SUGCT: variants seen among roughly 807,000 people sequenced by gnomAD.
SUGCT encodes the protein succinyl-CoA:glutarate CoA-transferase.
In SUGCT, 41 loss-of-function variants were observed where a neutral mutation model predicts 55.0. The ratio of observed to expected loss-of-function variants is 0.74; its 90% confidence interval spans 0.58 to 0.97. The LOEUF (loss-of-function observed/expected upper bound fraction) is 0.97, where lower values mean the gene tolerates loss of function less well. SUGCT is among the 50% of genes least tolerant of loss of function. SUGCT has a pLI of 0.00. For missense variants in SUGCT, 568 were observed against 547.8 expected (o/e 1.04, Z -0.37); for synonymous variants, 187 against 200.4 (o/e 0.93, Z 0.56).
intron 9 of SUGCT, among the ~76,000 whole-genome samples, chr7:40,435,684 A>G (rs1028628994): frequency 4.0e-5 from 6 of 151,894 alleles, no homozygotes; most frequent in African/African-American, 1.5e-4. Flanking sequence ...GCTTTTGCCT[A>G]TATTCTCTGA....
chr7:40,241,919 CAAA>C (rs34968969), intron 7 of SUGCT, among the ~76,000 whole-genome samples: 1 of 130,876 alleles, frequency 7.6e-6, no homozygotes, highest in Non-Finnish European at 1.6e-5. Flanking sequence ...ACTCTGTCTC[CAAA>C]AAAAAAAAAA....
chr7:40,509,381 GA>G (rs558838589), intron 12 of SUGCT, among the ~76,000 whole-genome samples: 62 of 152,164 alleles, frequency 4.1e-4, no homozygotes, highest in Admixed American at 3.0e-3. Context: ...ATCACAAAGG[GA>G]AAAAGACCAA....
intron 8 of SUGCT, among the ~76,000 whole-genome samples, chr7:40,301,452 C>T (rs143484191): frequency 4.1e-4 from 62 of 152,260 alleles, no homozygotes; most frequent in Admixed American, 5.2e-4. Flanking sequence ...TTGCTTGAAG[C>T]GTAAACACGT....
intron 11 of SUGCT, among the ~76,000 whole-genome samples, chr7:40,463,625 C>A (rs1789937633): frequency 6.6e-6 from 1 of 152,176 alleles, no homozygotes; most frequent in African/African-American, 2.4e-5. Context: ...GGGCGATCAG[C>A]CTCACTCAGG....
chr7:40,351,696 C>T (rs1288286465), intron 9 of SUGCT, among the ~76,000 whole-genome samples: 2 of 152,164 alleles, frequency 1.3e-5, no homozygotes, highest in Non-Finnish European at 2.9e-5. Flanking sequence ...GCTGACATCA[C>T]ATTTAGAGTT....
intron 13 of SUGCT, among the ~76,000 whole-genome samples, chr7:40,855,316 A>G (rs1311923647): frequency 6.6e-6 from 1 of 150,692 alleles, no homozygotes; most frequent in African/African-American, 2.4e-5. Context: ...ATCCTCTTCT[A>G]CTCTTTTTGC....
chr7:40,562,026 G>C (rs992072925), intron 12 of SUGCT, among the ~76,000 whole-genome samples: 1 of 150,554 alleles, frequency 6.6e-6, no homozygotes, highest in Non-Finnish European at 1.5e-5. Flanking sequence ...CAGGCCAGGC[G>C]CAGTGGCTCA....
intron 12 of SUGCT, among the ~76,000 whole-genome samples, chr7:40,715,394 C>G (rs1267052838): frequency 6.6e-6 from 1 of 152,096 alleles, no homozygotes; most frequent in Non-Finnish European, 1.5e-5. Context: ...GCATCCAATC[C>G]CATCTCCCTC....
At chr7:40,415,491 A>G (rs1370980621) in intron 9 of SUGCT, among the ~76,000 whole-genome samples, 1 of 149,960 alleles carries the variant, frequency 6.7e-6, no homozygotes, top group Non-Finnish European at 1.5e-5. Context: ...TCCTCTATTC[A>G]TCTTTGACTC....
At chr7:40,285,786 G>C (rs1006080861) in intron 8 of SUGCT, among the ~76,000 whole-genome samples, 1 of 152,036 alleles carries the variant, frequency 6.6e-6, no homozygotes, top group Non-Finnish European at 1.5e-5. Context: ...TTGGTTTGTC[G>C]GCTAGAGTCA....
rs1790472558 is a variant in SUGCT, at chr7:40,472,908, G to A, written c.986+13710G>A. Among the ~76,000 whole-genome samples, 4 of 152,104 alleles carry A rather than the reference G, an allele frequency of 2.6e-5. 1 individual carries two copies. The South Asian group carries it at 8.3e-4, about 32-fold the overall frequency. On this transcript the variant is annotated intron_variant, in intron 11 of 13. Transcript: ENST00000335693. ...GTATTTTCTAGCTTTATGTTACTCA[G>A]GAGAAATGGCTAAATTCTTATAATA...
chr7:40,374,694 C>A lies in SUGCT; in HGVS notation c.816+57839C>A, dbSNP rs990855251. 2.6e-5 allele frequency among the ~76,000 whole-genome samples: 4 copies of A among 152,154 alleles called. No homozygotes were observed. In the South Asian group the frequency reaches 8.3e-4, roughly 32 times the overall value. ...GGTCTAAAAAGGTTTTTCTTGATTT[C>A]TCAGTGTCTACCACTCTGCTTTTCT... On this transcript the variant is annotated intron_variant, in intron 9 of 13. Transcript: ENST00000335693.
intron 12 of SUGCT, among the ~76,000 whole-genome samples, chr7:40,739,704 T>C (rs1438387732): frequency 1.3e-5 from 2 of 152,192 alleles, no homozygotes; most frequent in African/African-American, 4.8e-5. Context: ...TGTCAAAAAT[T>C]ATTTGGACAT....
chr7:40,435,515 T>C (rs1788123102), intron 9 of SUGCT, among the ~76,000 whole-genome samples: 1 of 152,188 alleles, frequency 6.6e-6, no homozygotes, highest in South Asian at 2.1e-4. Flanking sequence ...ATTTAAAAAG[T>C]GTATTGGGTT....
At chr7:40,952,512 A>G in the SUGCT span, among the ~76,000 whole-genome samples, 1 of 152,130 alleles carries the variant, frequency 6.6e-6, no homozygotes, top group African/African-American at 2.4e-5. Context: ...TTAGCTGGTT[A>G]TTTTGCTCAT....
At chr7:40,491,102 T>C (rs979401459) in intron 11 of SUGCT, among the ~76,000 whole-genome samples, 2 of 152,218 alleles carry the variant, frequency 1.3e-5, no homozygotes, top group Non-Finnish European at 2.9e-5. Context: ...AAATACTGAG[T>C]GCCAGTTATC....
At chr7:40,548,673 C>A (rs1795142046) in intron 12 of SUGCT, among the ~76,000 whole-genome samples, 1 of 152,078 alleles carries the variant, frequency 6.6e-6, no homozygotes, top group East Asian at 1.9e-4. Flanking sequence ...CCTACATTGA[C>A]CCATCCTTAT....
chr7:40,899,280 C>CT, the SUGCT span, among the ~76,000 whole-genome samples: 1 of 152,192 alleles, frequency 6.6e-6, no homozygotes, highest in Non-Finnish European at 1.5e-5. Flanking sequence ...CTCTGCGTAT[C>CT]TGACTCAGTG....
intron 9 of SUGCT, among the ~76,000 whole-genome samples, chr7:40,355,720 T>G (rs1461323074): frequency 2.0e-5 from 3 of 152,264 alleles, no homozygotes; most frequent in Non-Finnish European, 4.4e-5. Flanking sequence ...GAGGATTATA[T>G]TTCACTTCAT....
Sources: gnomAD v4.1 joint callset for allele counts (sites outside exome capture counted in the v4.1 genomes callset) on GRCh38, gnomAD v4.1.1 for gene constraint, MANE v1.5 for transcripts, NCBI Gene and HGNC (gene_info 2026-07-23, HGNC 2026-07-21) for gene names.